Variants in ULK4 observed in about 807,000 individuals in gnomAD.
The protein encoded by ULK4 is unc-51 like kinase 4.
In ULK4, 133 loss-of-function variants were observed where a neutral mutation model predicts 160.6. The observed-to-expected ratio is 0.83, with a 90% CI of 0.72 to 0.96. The LOEUF (loss-of-function observed/expected upper bound fraction) is 0.96. Among genes scored for constraint, ULK4 ranks in the 40% least tolerant of loss-of-function variants. The pLI, the probability that ULK4 is intolerant of heterozygous loss-of-function variation, is 0.00. For synonymous variants in ULK4, 534 were observed against 539.8 expected (o/e 0.99, Z 0.15); for missense variants, 1,580 against 1,499.5 (o/e 1.05, Z -0.89).
intron 32 of ULK4, among the ~76,000 whole-genome samples, chr3:41,507,889 G>A (rs1475976817): frequency 6.6e-6 from 1 of 152,190 alleles, no homozygotes; most frequent in African/African-American, 2.4e-5. Context: ...GTGAACATTT[G>A]CTCCAAGAAC....
At chr3:41,531,438 C>T (rs1412666568) in intron 32 of ULK4, among the ~76,000 whole-genome samples, 1 of 82,922 alleles carries the variant, frequency 1.2e-5, no homozygotes, top group East Asian at 3.7e-4. Context: ...AAGACTCCGT[C>T]TCAAAAAGAG....
At chr3:41,286,606 C>T (rs955296578) in intron 35 of ULK4, among the ~76,000 whole-genome samples, 2 of 152,130 alleles carry the variant, frequency 1.3e-5, no homozygotes, top group African/African-American at 4.8e-5. Context: ...CCGCCAGCAC[C>T]CTAAACTGCA....
intron 5 of ULK4, among the ~76,000 whole-genome samples, chr3:41,930,936 A>T (rs2148821685): frequency 6.6e-6 from 1 of 152,302 alleles, no homozygotes; most frequent in African/African-American, 2.4e-5. Flanking sequence ...TTCCTCAGGG[A>T]TCTAGAACCA....
intron 34 of ULK4, among the ~76,000 whole-genome samples, chr3:41,448,271 C>T (rs1195673924): frequency 6.6e-6 from 1 of 151,984 alleles, no homozygotes; most frequent in Non-Finnish European, 1.5e-5. Flanking sequence ...GCACGCTAAA[C>T]CAGTTTTCGT....
At chr3:41,748,188 C>T (rs116428662) in intron 22 of ULK4, among the ~76,000 whole-genome samples, 1,697 of 147,998 alleles carry the variant, frequency 0.011, 29 homozygotes, top group African/African-American at 0.041. Context: ...ACCATAGAGA[C>T]GTATATATAC....
chr3:41,543,856 T>G (rs1349899451), intron 32 of ULK4, among the ~76,000 whole-genome samples: 1 of 152,218 alleles, frequency 6.6e-6, no homozygotes, highest in African/African-American at 2.4e-5. Flanking sequence ...GTTCAACTTC[T>G]GAATTTCCAT....
At chr3:41,567,883 C>G (rs564545422) in intron 31 of ULK4, among the ~76,000 whole-genome samples, 1 of 152,236 alleles carries the variant, frequency 6.6e-6, no homozygotes, top group South Asian at 2.1e-4. Context: ...AAAGATAGTA[C>G]AGAGAGTTTC....
chr3:41,649,839 C>T (rs2034669032), intron 30 of ULK4, among the ~76,000 whole-genome samples: 1 of 152,214 alleles, frequency 6.6e-6, no homozygotes, highest in African/African-American at 2.4e-5. Flanking sequence ...TAGCCTGAAG[C>T]CTGGTGACCG....
At chr3:41,486,297 C>T (rs554592384) in intron 32 of ULK4, among the ~76,000 whole-genome samples, 1 of 152,290 alleles carries the variant, frequency 6.6e-6, no homozygotes, top group South Asian at 2.1e-4. Context: ...ACTGACATTA[C>T]AACATGACCA....
At chr3:41,272,343 GTTTTTTTTTTTTTTT>G (rs3038324) in intron 35 of ULK4, among the ~76,000 whole-genome samples, 16 of 95,480 alleles carry the variant, frequency 1.7e-4, no homozygotes, top group Non-Finnish European at 2.9e-4. Context: ...AATTTTGAAA[GTTTTTTTTTTTTTTT>G]TTTTTTTTTT....
intron 21 of ULK4, among the ~76,000 whole-genome samples, chr3:41,775,169 T>C (rs1254889519): frequency 3.3e-5 from 5 of 150,098 alleles, no homozygotes; most frequent in South Asian, 2.1e-4. Context: ...CATGTATACA[T>C]ATGTAACAAA....
chr3:41,739,787 G>A (rs973760185), intron 22 of ULK4, among the ~76,000 whole-genome samples: 2 of 151,806 alleles, frequency 1.3e-5, no homozygotes, highest in African/African-American at 4.9e-5. Flanking sequence ...GTGTACCAGG[G>A]AGCAAAGTGG....
At chr3:41,831,296 G>T (rs912461461) in intron 18 of ULK4, among the ~76,000 whole-genome samples, 1 of 151,878 alleles carries the variant, frequency 6.6e-6, no homozygotes, top group Non-Finnish European at 1.5e-5. Flanking sequence ...AAAGTACTGG[G>T]ATGGAAATGT....
chr3:41,918,402 C>T (rs1040948059), intron 7 of ULK4, 55 bp downstream of exon 7: 26 of 1,161,722 alleles, frequency 2.2e-5, no homozygotes, highest in Non-Finnish European at 2.8e-5. Context: ...GATAAAGGTA[C>T]ACCTTTAATC....
chr3:41,517,138 T>A, intron 32 of ULK4, among the ~76,000 whole-genome samples: 1 of 152,166 alleles, frequency 6.6e-6, no homozygotes, highest in East Asian at 1.9e-4. Flanking sequence ...ATATCATATG[T>A]CATTAGGGAA....
At chr3:41,949,533 T>C (rs1236528906) in intron 2 of ULK4, among the ~76,000 whole-genome samples, 3 of 149,764 alleles carry the variant, frequency 2.0e-5, no homozygotes, top group Admixed American at 1.3e-4. Context: ...TCCAGGTTCA[T>C]GCGATTCTCC....
intron 21 of ULK4, among the ~76,000 whole-genome samples, chr3:41,785,098 C>G (rs1200838878): frequency 6.6e-6 from 1 of 152,048 alleles, no homozygotes; most frequent in African/African-American, 2.4e-5. Flanking sequence ...GTGTATAACA[C>G]TTGAGTAATC....
chr3:41,566,625 G>T (rs1179744528), intron 31 of ULK4, among the ~76,000 whole-genome samples: 2 of 152,174 alleles, frequency 1.3e-5, no homozygotes, highest in East Asian at 3.8e-4. Context: ...TGTGAATTTT[G>T]CTTTCCTCAA....
At chr3:41,697,675 T>C (rs2036546399) in intron 27 of ULK4, among the ~76,000 whole-genome samples, 1 of 151,918 alleles carries the variant, frequency 6.6e-6, no homozygotes, top group African/African-American at 2.4e-5. Flanking sequence ...AGGCATAGAG[T>C]CTCGCTATGT....
Sources: gnomAD v4.1 joint callset for allele counts (sites outside exome capture counted in the v4.1 genomes callset) on GRCh38, gnomAD v4.1.1 for gene constraint, MANE v1.5 for transcripts, NCBI Gene and HGNC (gene_info 2026-07-23, HGNC 2026-07-21) for gene names.